CEP295: variants seen among roughly 807,000 people sequenced by gnomAD.
CEP295 encodes the protein centrosomal protein of 295 kDa.
CEP295 carries 190 observed loss-of-function variants against 291.6 expected under a neutral mutation model. The ratio of observed to expected loss-of-function variants is 0.65; its 90% confidence interval spans 0.58 to 0.73. The LOEUF (loss-of-function observed/expected upper bound fraction) is 0.73, where lower values mean the gene tolerates loss of function less well. CEP295 is among the 30% of genes least tolerant of loss of function. The probability of loss-of-function intolerance (pLI) is 0.00; values close to 1 mark genes in which losing one functional copy is unlikely to be tolerated. For missense variants in CEP295, 2,863 were observed against 2,949.4 expected (o/e 0.97, Z 0.68); for synonymous variants, 993 against 1,038.8 (o/e 0.96, Z 0.85).
At position 93,715,097 on chromosome 11, in the gene CEP295, C is replaced by T. The variant is rs74537405; in HGVS notation, c.5750-6215C>T. ...TTGCCTTCAGGGTGGCAAGTGGCCC[C>T]GGGCAAATCCAGAGATGTTGTCCAG... On this transcript the variant is annotated intron_variant, in intron 18 of 29. Transcript: ENST00000325212. Among the ~76,000 whole-genome samples the T allele has an allele frequency of 4.9e-3, 747 of 152,274 alleles. 6 individuals carry two copies. The highest frequency in any genetic ancestry group is 0.016 in the African/African-American group (648 of 41,564).
At chr11:93,700,426 CTTT>C (rs11410177) in intron 15 of CEP295, among the ~76,000 whole-genome samples, 10 of 129,358 alleles carry the variant, frequency 7.7e-5, no homozygotes, top group Non-Finnish European at 1.2e-4. Context: ...TTTGTTTTTG[CTTT>C]TTTTTTTTTT....
At position 93,669,622 on chromosome 11, in the gene CEP295, T is replaced by G. The variant is rs2134805417; in HGVS notation, c.435-55T>G. ...ATGACTTACATATTTTTAACCCTGT[T>G]GTACTATAATATTATCACTGAGAGA... On this transcript the variant is annotated intron_variant, in intron 4 of 29. Transcript: ENST00000325212. The G allele has an allele frequency of 5.2e-6, 6 of 1,154,960 alleles. No homozygotes were observed. The East Asian group carries it at 1.5e-4, about 30-fold the overall frequency. The allele number at this position is 1,154,960 out of a possible 1,614,324, so 71.5% of individuals were successfully genotyped here. A position where few individuals can be genotyped will look rare whatever the true frequency, so the allele number is the denominator to read the frequency against.
intron 13 of CEP295, among the ~76,000 whole-genome samples, chr11:93,696,041 T>C (rs187621665): frequency 7.0e-4 from 107 of 152,312 alleles, no homozygotes; most frequent in Non-Finnish European, 1.3e-3. Context: ...ATAATGTATG[T>C]ATATATGAAT....
intron 9 of CEP295, among the ~76,000 whole-genome samples, chr11:93,686,562 T>C (rs879730508): frequency 2.0e-5 from 3 of 152,180 alleles, no homozygotes; most frequent in Non-Finnish European, 4.4e-5. Flanking sequence ...GGCAATGAAT[T>C]TACTTCTTAA....
Position 93,666,683 on chromosome 11 carries a change from A to G in CEP295, c.-25A>G, listed in dbSNP as rs367869134. 1,102 of 1,145,938 alleles carry G rather than the reference A, an allele frequency of 9.6e-4. 25 individuals carry two copies. In the South Asian group the frequency reaches 0.015, roughly 16 times the overall value. 71.0% of individuals were successfully genotyped at this position (1,145,938 alleles called of 1,614,324 possible). ...AGACATTTTCCTTTTTGAATTCAGA[A>G]CTGTCATACATAAAGTACACAGAAA... On this transcript the variant is annotated splice_region_variant and 5_prime_UTR_variant, in exon 2 of 30. Transcript: ENST00000325212.
rs936906113 is a variant in CEP295, at chr11:93,699,144, A to C, written c.4232A>C (p.Asn1411Thr). ...CATTCATTCGCCTCATTACCTCTTA[A>C]TGAATCTGAAAGAAACCAAGAACCA... ...PQHSFASLPL[N>T]ESERNQEPCS... The change falls in exon 15 of 30, where the codon AAT becomes ACT. Residue 1411 changes from asparagine to threonine, a missense_variant. Coordinates refer to ENST00000325212, the MANE Select transcript of CEP295 (RefSeq NM_033395.2). The C allele has an allele frequency of 2.6e-6, 4 of 1,551,298 alleles. No individual in the cohort carries two copies. The African/African-American group carries it at 5.5e-5, about 21-fold the overall frequency.
chr11:93,713,143 C>T (rs1953023875), intron 18 of CEP295, among the ~76,000 whole-genome samples: 1 of 151,934 alleles, frequency 6.6e-6, no homozygotes, highest in Non-Finnish European at 1.5e-5. Context: ...CTATTTATGT[C>T]TTATTGTACT....
chr11:93,683,484 C>T (rs1325014418), intron 7 of CEP295, 75 bp from the exon 8 acceptor site: 2 of 1,096,474 alleles, frequency 1.8e-6, no homozygotes, highest in Non-Finnish European at 2.5e-6. Flanking sequence ...CCTCATTTCC[C>T]CTACCTGCAA....
At chr11:93,669,536 C>G in intron 4 of CEP295, 141 bp from the exon 5 acceptor site, 3 of 527,042 alleles carry the variant, frequency 5.7e-6, no homozygotes, top group East Asian at 3.1e-5. Flanking sequence ...TATGTATAGA[C>G]TCTTTACACA....
intron 7 of CEP295, among the ~76,000 whole-genome samples, chr11:93,680,657 A>G (rs1045872332): frequency 6.6e-6 from 1 of 152,232 alleles, no homozygotes; most frequent in South Asian, 2.1e-4. Context: ...CAATCAATCA[A>G]TAAATAGTGA....
At chr11:93,717,655 A>G (rs1430140634) in intron 18 of CEP295, among the ~76,000 whole-genome samples, 2 of 152,178 alleles carry the variant, frequency 1.3e-5, no homozygotes, top group Non-Finnish European at 2.9e-5. Context: ...TAGCCAGGAT[A>G]AGGGAATGCT....
chr11:93,701,574 G>A (rs1952159380), intron 15 of CEP295, among the ~76,000 whole-genome samples: 1 of 151,940 alleles, frequency 6.6e-6, no homozygotes, highest in Non-Finnish European at 1.5e-5. Context: ...ATGAAATGGA[G>A]GCTAAGTTTT....
intron 18 of CEP295, among the ~76,000 whole-genome samples, chr11:93,712,673 G>A (rs556976980): frequency 2.6e-5 from 4 of 152,254 alleles, no homozygotes; most frequent in Admixed American, 2.6e-4. Context: ...TGTATTTCTT[G>A]TAGGTAACAG....
In CEP295 at chr11:93,729,863, T is replaced by A. The variant is rs549727424; in HGVS notation, c.7568-7T>A. 1 of 1,539,610 alleles carries A rather than the reference T, an allele frequency of 6.5e-7. No individual in the cohort carries two copies. Among genetic ancestry groups the A allele is most frequent in the Non-Finnish European group, 8.7e-7 (1 of 1,143,882 alleles). On this transcript the variant is annotated splice_polypyrimidine_tract_variant and splice_region_variant and intron_variant, in intron 27 of 29. Transcript: ENST00000325212. ...TTTACAACTTGATTTCACTTTTCTT[T>A]CCTCAGGTTCATCTGTGAGTCGTCT...
intron 25 of CEP295, 33 bp downstream of exon 25, chr11:93,728,854 T>C: frequency 4.0e-6 from 6 of 1,512,182 alleles, no homozygotes; most frequent in Non-Finnish European, 5.3e-6. Flanking sequence ...TTTTATTCTA[T>C]TACAAGCAAA....
Position 93,697,213 on chromosome 11 carries a change from A to G in CEP295, c.2301A>G (p.Gln767=), listed in dbSNP as rs376436997. The G allele has an allele frequency of 1.7e-4, 268 of 1,551,780 alleles. No individual in the cohort carries two copies. The highest frequency in any genetic ancestry group is 2.5e-4 in the Admixed American group (13 of 51,010). ...CTTTTCAAAGTTTAGAATCCCAACA[A>G]TTGTTCTCAGAGAATAGTGAAAATA... ...ATTFQSLESQ[Q]LFSENSENIS... The change falls in exon 15 of 30, where the codon CAA becomes CAG. Residue 767 remains glutamine, a synonymous_variant. Transcript: ENST00000325212.
At chr11:93,670,288 C>T (rs1466635824) in intron 5 of CEP295, among the ~76,000 whole-genome samples, 5 of 151,420 alleles carry the variant, frequency 3.3e-5, no homozygotes, top group African/African-American at 1.2e-4. Flanking sequence ...ATAAAGTATC[C>T]AGGTGTGATT....
intron 6 of CEP295, among the ~76,000 whole-genome samples, chr11:93,676,121 T>G (rs1950675834): frequency 6.6e-6 from 1 of 152,028 alleles, no homozygotes. Context: ...TAGCATTTAT[T>G]TAACCATTAT....
rs956531065 is a variant in CEP295, at chr11:93,729,733, G to A, written c.7519G>A (p.Val2507Ile). 7.1e-6 allele frequency: 11 copies of A among 1,549,628 alleles called. No individual in the cohort carries two copies. Among genetic ancestry groups the A allele is most frequent in the African/African-American group, 1.4e-5 (1 of 72,920 alleles). ...RQKEIRNKIHVSENSQIKTVK... is the reference protein window; with the variant it reads ...RQKEIRNKIHISENSQIKTVK... ...GAAAGAAATAAGGAATAAAATTCAT[G>A]TCTCTGAAAATTCTCAAATCAAAAC... Residue 2507 changes from valine (V) to isoleucine (I), a missense_variant, in exon 27 of 30, where the codon GTC (valine) becomes ATC (isoleucine). Val to Ile is a conservative substitution (Grantham distance 29). Around this residue, in one of 3 missense-constraint regions of CEP295, gnomAD observed 2,295 missense variants for 2,335.7 expected, o/e 0.98. Transcript: ENST00000325212.
Sources: gnomAD v4.1 joint callset for allele counts (sites outside exome capture counted in the v4.1 genomes callset) on GRCh38, gnomAD v4.1.1 for gene constraint, gnomAD v4.1.1 regional missense constraint, MANE v1.5 for transcripts, NCBI Gene and HGNC (gene_info 2026-07-23, HGNC 2026-07-21) for gene names.